Variants in SATB2 observed in about 807,000 individuals in gnomAD.
SATB2 encodes the protein SATB homeobox 2.
Under a neutral mutation model 73.4 loss-of-function variants are expected in SATB2, and 1 was observed. The ratio of observed to expected loss-of-function variants is 0.01; its 90% CI spans 0.00 to 0.06. The LOEUF (loss-of-function observed/expected upper bound fraction) is 0.06, where lower values mean the gene tolerates loss of function less well. Among genes scored for constraint, SATB2 ranks in the 10% least tolerant of loss-of-function variants. The pLI, the probability that SATB2 is intolerant of heterozygous loss-of-function variation, is 1.00. For missense variants in SATB2, 459 were observed against 945.8 expected, an observed-to-expected ratio of 0.49 and a Z score of 6.75; for synonymous variants, 397 against 367.0, an observed-to-expected ratio of 1.08 and a Z score of -0.93.
chr2:199,328,746 G>A lies in SATB2; in HGVS notation c.1338C>T (p.Ser446=). The A allele has an allele frequency of 6.2e-7, 1 of 1,613,832 alleles. No individual in the cohort carries two copies. The highest frequency in any genetic ancestry group is 8.5e-7 in the Non-Finnish European group (1 of 1,179,948). Residue 446 remains serine (S), a synonymous_variant, in exon 8 of 11, where the codon AGC becomes AGT. Transcript: ENST00000417098. Reference sequence around the variant, plus strand: ...GACTGCTGGAGGCCGAGGAGACCATGCTCACATTGGGATTCATGCTCCGCT... The same window carrying A: ...GACTGCTGGAGGCCGAGGAGACCATACTCACATTGGGATTCATGCTCCGCT... ...ERERSMNPNV[S]MVSSASSSPS... is the part of the protein sequence containing the mutation.
intron 3 of SATB2, among the ~76,000 whole-genome samples, chr2:199,391,903 A>C (rs1690154529): frequency 1.3e-5 from 2 of 152,236 alleles, no homozygotes; most frequent in Non-Finnish European, 2.9e-5. Flanking sequence ...ATGTCTAGTT[A>C]TCCTGTGGCA....
intron 10 of SATB2, among the ~76,000 whole-genome samples, chr2:199,293,700 T>C (rs1056021290): frequency 1.3e-5 from 2 of 152,168 alleles, no homozygotes; most frequent in Non-Finnish European, 2.9e-5. Context: ...GGATTTCAAG[T>C]AAATCCATTG....
intron 3 of SATB2, among the ~76,000 whole-genome samples, chr2:199,392,802 A>T (rs1229429869): frequency 1.1e-4 from 17 of 152,238 alleles, no homozygotes; most frequent in Admixed American, 1.1e-3. Context: ...CAATAAAATA[A>T]CATGAGTTAA....
intron 3 of SATB2, among the ~76,000 whole-genome samples, chr2:199,418,786 G>A (rs565639823): frequency 7.2e-4 from 110 of 152,326 alleles, no homozygotes; most frequent in Admixed American, 2.2e-3. Flanking sequence ...CCCTGTGTGT[G>A]AGAATTCATC....
chr2:199,453,823 T>TA (rs1029827562), intron 2 of SATB2, among the ~76,000 whole-genome samples: 30 of 152,132 alleles, frequency 2.0e-4, no homozygotes, highest in African/African-American at 6.7e-4. Flanking sequence ...CTGTCTTTTT[T>TA]AAAAAAATTT....
At chr2:199,303,770 G>T (rs866145891) in intron 10 of SATB2, among the ~76,000 whole-genome samples, 3 of 152,092 alleles carry the variant, frequency 2.0e-5, no homozygotes, top group Non-Finnish European at 2.9e-5. Flanking sequence ...GTTGAAAATC[G>T]CCTGAGAAGC....
chr2:199,429,602 C>G (rs578079373), intron 3 of SATB2, among the ~76,000 whole-genome samples: 11 of 152,282 alleles, frequency 7.2e-5, no homozygotes, highest in Admixed American at 2.6e-4. Context: ...ATTTGCTAAG[C>G]ACGTTTGTTT....
At chr2:199,439,813 AATAAT>A (rs1691757594) in intron 2 of SATB2, among the ~76,000 whole-genome samples, 2 of 152,088 alleles carry the variant, frequency 1.3e-5, no homozygotes, top group African/African-American at 4.8e-5. Flanking sequence ...TCCATCCTAA[AATAAT>A]AGAGGCTGGG....
intron 3 of SATB2, among the ~76,000 whole-genome samples, chr2:199,405,773 A>G (rs1690613509): frequency 6.6e-6 from 1 of 152,126 alleles, no homozygotes; most frequent in Non-Finnish European, 1.5e-5. Flanking sequence ...CTGGTTATAC[A>G]TAGTTTTTTA....
chr2:199,292,140 G>C (rs1692886229), intron 10 of SATB2, among the ~76,000 whole-genome samples: 1 of 152,006 alleles, frequency 6.6e-6, no homozygotes, highest in Non-Finnish European at 1.5e-5. Context: ...GTGGAGCAAT[G>C]GGTATTAAAT....
rs181669262 is a variant in SATB2 at position 199,401,937 on chromosome 2, T to C, written c.347-20117A>G. Among the ~76,000 whole-genome samples the C allele has an allele frequency of 9.6e-4, 146 of 152,240 alleles. 1 individual carries two copies. The highest frequency in any genetic ancestry group is 3.3e-3 in the African/African-American group (137 of 41,534). On this transcript the variant is annotated intron_variant, in intron 3 of 10. Transcript: ENST00000417098. ...GTATTTAAGTCATCATTTAGGTTAC[T>C]GGGGGAGGCTGCCCTGAAGTGGATC... is the stretch of plus-strand genomic sequence containing the variant.
At chr2:199,442,308 A>G (rs958040270) in intron 2 of SATB2, among the ~76,000 whole-genome samples, 7 of 152,180 alleles carry the variant, frequency 4.6e-5, no homozygotes, top group Admixed American at 1.3e-4. Flanking sequence ...AGCTTGCTCC[A>G]TGTTGTCCAG....
At chr2:199,343,363 A>T (rs1688561625) in intron 7 of SATB2, among the ~76,000 whole-genome samples, 1 of 152,230 alleles carries the variant, frequency 6.6e-6, no homozygotes, top group Non-Finnish European at 1.5e-5. Flanking sequence ...CAATAGACTG[A>T]GGATATGCTA....
chr2:199,435,764 T>C (rs1251072575), intron 2 of SATB2, among the ~76,000 whole-genome samples: 1 of 152,212 alleles, frequency 6.6e-6, no homozygotes, highest in Non-Finnish European at 1.5e-5. Flanking sequence ...ATATCACTCC[T>C]GCCCTCAATG....
At chr2:199,326,005 A>C (rs886720545) in intron 8 of SATB2, 3 of 152,156 alleles carry the variant, frequency 2.0e-5, no homozygotes, top group Non-Finnish European at 4.4e-5. Flanking sequence ...CTACTAATAA[A>C]GTATAGATGG....
chr2:199,272,192 T>C lies in SATB2; in HGVS notation c.*19A>G. ...AAATCCTTGGACCGATGTATTGCTT[T>C]GCCTAGTAGAAGTTCACATTATCTC... is the stretch of plus-strand genomic sequence containing the variant. On this transcript the variant is annotated 3_prime_UTR_variant, in exon 11 of 11. Coordinates refer to ENST00000417098, the MANE Select transcript of SATB2 (RefSeq NM_001172509.2). The surrounding 1 kb of genome is among the most constrained non-coding windows in gnomAD (Gnocchi z 6.7). The C allele has an allele frequency of 6.2e-7, 1 of 1,606,682 alleles. No individual in the cohort carries two copies. The highest frequency in any genetic ancestry group is 2.2e-5 in the East Asian group (1 of 44,860).
At chr2:199,397,549 A>T (rs1690337048) in intron 3 of SATB2, 1 of 167,098 alleles carries the variant, frequency 6.0e-6, no homozygotes, top group South Asian at 1.2e-4. Flanking sequence ...AGAAGTCCCA[A>T]AGGAAACCAT....
chr2:199,428,668 A>T (rs899196714), intron 3 of SATB2, among the ~76,000 whole-genome samples: 11 of 152,348 alleles, frequency 7.2e-5, no homozygotes, highest in Non-Finnish European at 1.3e-4. Context: ...ATGAGTTAGT[A>T]CATGTAAATC....
chr2:199,333,352 CA>C (rs2105801696), intron 7 of SATB2, among the ~76,000 whole-genome samples: 1 of 152,114 alleles, frequency 6.6e-6, no homozygotes, highest in African/African-American at 2.4e-5. Context: ...GAACTAGTGT[CA>C]CCTTGGCTCA....
Sources: gnomAD v4.1 joint callset for allele counts (sites outside exome capture counted in the v4.1 genomes callset) on GRCh38, gnomAD v4.1.1 for gene constraint, Gnocchi (gnomAD v3.1) non-coding constraint, MANE v1.5 for transcripts, NCBI Gene and HGNC (gene_info 2026-07-23, HGNC 2026-07-21) for gene names.